The following SPATA22 variants were observed in gnomAD, a reference collection of about 807,000 sequenced individuals.
The protein encoded by SPATA22 is spermatogenesis-associated protein 22.
SPATA22 carries 29 observed loss-of-function variants against 47.8 expected under a neutral mutation model. The observed-to-expected ratio is 0.61, with a 90% CI of 0.45 to 0.83. The LOEUF is 0.83. SPATA22 is among the 40% of genes least tolerant of loss of function. The pLI, the probability that SPATA22 is intolerant of heterozygous loss-of-function variation, is 0.00. For missense variants in SPATA22, 410 were observed against 421.7 expected (o/e 0.97, Z 0.24); for synonymous variants, 133 against 140.9 (o/e 0.94, Z 0.40).
chr17:3,480,833 A>T (rs1028372589), intron 1 of SPATA22, among the ~76,000 whole-genome samples: 5 of 152,240 alleles, frequency 3.3e-5, no homozygotes, highest in Non-Finnish European at 5.9e-5. Context: ...TAGCTTGGAG[A>T]TTAGAAGCAA....
chr17:3,464,273 C>G (rs531437196), intron 3 of SPATA22, among the ~76,000 whole-genome samples: 53 of 151,752 alleles, frequency 3.5e-4, no homozygotes, highest in African/African-American at 1.2e-3. Context: ...GTGTCTGGTT[C>G]ACTCAGTGCT....
chr17:3,465,040 G>A (rs1297561709), intron 3 of SPATA22, among the ~76,000 whole-genome samples: 3 of 129,842 alleles, frequency 2.3e-5, no homozygotes, highest in Non-Finnish European at 5.1e-5. Context: ...CCCCAGCCCG[G>A]CCAGCCGCCC....
At position 3,469,510 on chromosome 17, in the gene SPATA22, A is replaced by G. The variant is rs569292174; in HGVS notation, c.-73-112T>C. 1.1e-4 allele frequency: 58 copies of G among 544,876 alleles called. 1 individual carries two copies. In the South Asian group the frequency reaches 1.5e-3, roughly 14 times the overall value. The allele number at this position is 544,876 out of a possible 1,614,324, so 33.8% of individuals were successfully genotyped here. On this transcript the variant is annotated intron_variant, in intron 1 of 8. Transcript: ENST00000572969. ...ACTACTTTCAAACCTGATCACGTAA[A>G]CACTTTAGGGAGTCCTTTGCTTTCT...
chr17:3,497,115 A>C (rs2073922308), intron 1 of SPATA22, among the ~76,000 whole-genome samples: 1 of 152,152 alleles, frequency 6.6e-6, no homozygotes, highest in Non-Finnish European at 1.5e-5. Context: ...AGGGGCTCTG[A>C]TCTAATTCAT....
At chr17:3,481,020 G>A (rs981828438) in intron 1 of SPATA22, among the ~76,000 whole-genome samples, 4 of 152,194 alleles carry the variant, frequency 2.6e-5, no homozygotes, top group African/African-American at 4.8e-5. Flanking sequence ...CTACTCAGGA[G>A]GCTGAGATGG....
chr17:3,456,523 C>G (rs2073001561), intron 5 of SPATA22, among the ~76,000 whole-genome samples: 2 of 151,662 alleles, frequency 1.3e-5, no homozygotes, highest in African/African-American at 2.4e-5. Context: ...CTGAATAGAC[C>G]AATAACAGGA....
chr17:3,450,984 A>G (rs1242074548), intron 5 of SPATA22, among the ~76,000 whole-genome samples: 3 of 152,232 alleles, frequency 2.0e-5, no homozygotes, highest in Admixed American at 1.3e-4. Flanking sequence ...GCAATAAAGC[A>G]AAGTGCAACA....
At chr17:3,459,639 C>T (rs2073081891) in intron 5 of SPATA22, among the ~76,000 whole-genome samples, 1 of 152,148 alleles carries the variant, frequency 6.6e-6, no homozygotes, top group Non-Finnish European at 1.5e-5. Context: ...AACTACTGAC[C>T]TCAAGTGATC....
intron 3 of SPATA22, among the ~76,000 whole-genome samples, chr17:3,464,896 G>T (rs1385714879): frequency 1.0e-5 from 1 of 98,156 alleles, no homozygotes; most frequent in Non-Finnish European, 2.7e-5. Context: ...GGTGGGGGGG[G>T]GTCAGCCCCC....
chr17:3,456,427 C>G (rs1443116840), intron 5 of SPATA22, among the ~76,000 whole-genome samples: 1 of 143,830 alleles, frequency 7.0e-6, no homozygotes, highest in East Asian at 2.2e-4. Context: ...CATCTCTACA[C>G]AAATAAACTA....
At chr17:3,447,707 A>T (rs546993483) in intron 6 of SPATA22, among the ~76,000 whole-genome samples, 4 of 152,336 alleles carry the variant, frequency 2.6e-5, no homozygotes, top group African/African-American at 9.6e-5. Context: ...AAGAGGAGAA[A>T]ATAAAAGTAT....
Position 3,471,791 on chromosome 17 carries a change from T to G in SPATA22, c.-183A>C. 1 of 985,512 alleles carries G rather than the reference T, an allele frequency of 1.0e-6. No homozygotes were observed. Among genetic ancestry groups the G allele is most frequent in the Non-Finnish European group, 1.2e-6 (1 of 829,982 alleles). The allele number at this position is 985,512 out of a possible 1,614,324, so 61.0% of individuals were successfully genotyped here. A position where few individuals can be genotyped will look rare whatever the true frequency, so the allele number is the denominator to read the frequency against. ...GCGGCCCCGTCAGCAACCGCCGCCC[T>G]TCCCGCCCGCGAAGAAAGCGCGGGA... is the stretch of plus-strand genomic sequence containing the variant. On this transcript the variant is annotated 5_prime_UTR_variant, in exon 1 of 9. Transcript: ENST00000572969.
chr17:3,513,213 C>G (rs1254908489), intron 1 of SPATA22: 1 of 152,660 alleles, frequency 6.6e-6, no homozygotes, highest in East Asian at 1.9e-4. Flanking sequence ...TTTTCATTCT[C>G]AACTGAAATG....
At chr17:3,502,890 G>A (rs1227349208) in intron 1 of SPATA22, 2 of 152,258 alleles carry the variant, frequency 1.3e-5, no homozygotes, top group Non-Finnish European at 2.9e-5. Context: ...TGCCAGCAGA[G>A]GTGGTGAAAG....
In SPATA22 at chr17:3,440,269, T is replaced by C. The variant is rs757337499; in HGVS notation, c.970A>G (p.Asn324Asp). ...RCVGNYDQKK[N>D]IFQCVSVRPA... ...CTGACAGAAACACATTGGAAAATGT[T>C]CTTTTTCTGGTCATAGTTGCCAACA... is the stretch of plus-strand genomic sequence containing the variant. Residue 324 changes from asparagine (N) to aspartate (D), a missense_variant, in exon 9 of 9, where the codon AAC becomes GAC. Asn to Asp is a conservative substitution (Grantham distance 23). Coordinates refer to ENST00000572969, the MANE Select transcript of SPATA22 (RefSeq NM_001170698.2). 1 of 1,611,186 alleles carries C rather than the reference T, an allele frequency of 6.2e-7. No individual in the cohort carries two copies. Among genetic ancestry groups the C allele is most frequent in the East Asian group, 2.2e-5 (1 of 44,766 alleles).
At chr17:3,444,686 G>A (rs1176802619) in intron 7 of SPATA22, among the ~76,000 whole-genome samples, 1 of 152,004 alleles carries the variant, frequency 6.6e-6, no homozygotes, top group African/African-American at 2.4e-5. Context: ...TCAGTTGCGT[G>A]AATAATTCTC....
At chr17:3,483,585 T>G in intron 1 of SPATA22, 1 of 1,612,322 alleles carries the variant, frequency 6.2e-7, no homozygotes, top group South Asian at 1.1e-5. Context: ...TAGCCAAGTA[T>G]CCTGTGGGTA....
chr17:3,493,694 C>A (rs2073863440), intron 1 of SPATA22, among the ~76,000 whole-genome samples: 1 of 151,866 alleles, frequency 6.6e-6, no homozygotes, highest in Non-Finnish European at 1.5e-5. Flanking sequence ...TAAGCTAATC[C>A]AATACCTTCA....
intron 8 of SPATA22, chr17:3,441,611 T>A (rs1162117090): frequency 6.6e-6 from 1 of 152,060 alleles, no homozygotes; most frequent in Non-Finnish European, 1.5e-5. Flanking sequence ...TCTACTGTAT[T>A]TGAATATACA....
Sources: allele counts gnomAD v4.1 joint callset (sites outside exome capture counted in the v4.1 genomes callset), GRCh38; gene constraint gnomAD v4.1.1; transcripts MANE v1.5; gene names NCBI Gene and HGNC (gene_info 2026-07-23, HGNC 2026-07-21).